DDX42: variants seen among roughly 807,000 people sequenced by gnomAD.
The protein encoded by DDX42 is DEAD-box helicase 42.
In DDX42, 22 loss-of-function variants were observed where a neutral mutation model predicts 101.5. The ratio of observed to expected loss-of-function variants is 0.22; its 90% CI spans 0.15 to 0.31. DDX42 has a LOEUF of 0.31. Among genes scored for constraint, DDX42 ranks in the 10% least tolerant of loss-of-function variants. DDX42 has a pLI of 1.00. For missense variants in DDX42, 849 were observed against 1,199.9 expected, an observed-to-expected ratio of 0.71 and a Z score of 4.32; for synonymous variants, 402 against 401.2, an observed-to-expected ratio of 1.00 and a Z score of -0.02.
chr17:63,806,081 G>A (rs1371067917), intron 7 of DDX42: 3 of 153,306 alleles, frequency 2.0e-5, no homozygotes, highest in Non-Finnish European at 4.4e-5. Flanking sequence ...GGAGGCAGTA[G>A]ATTATATCTT....
At chr17:63,800,860 G>C (rs1422173186) in intron 6 of DDX42, among the ~76,000 whole-genome samples, 1 of 151,908 alleles carries the variant, frequency 6.6e-6, no homozygotes, top group Non-Finnish European at 1.5e-5. Flanking sequence ...AATTGTACTT[G>C]TTTTCCAGAA....
rs1258106389 is a variant in DDX42 at position 63,791,356 on chromosome 17, G to T, written c.222-1056G>T. On this transcript the variant is annotated intron_variant, in intron 2 of 17. Coordinates refer to ENST00000389924, the MANE Select transcript of DDX42 (RefSeq NM_203499.3). ...TGAGAGAGTCTTGCTCTGTCACCCAGGCTGGAGTGCAGTGGCACAATCTCA... is the reference window on the plus strand; with the variant it reads ...TGAGAGAGTCTTGCTCTGTCACCCATGCTGGAGTGCAGTGGCACAATCTCA... Among the ~76,000 whole-genome samples the T allele has an allele frequency of 1.3e-5, 2 of 152,122 alleles. 1 individual carries two copies. Among genetic ancestry groups the T allele is most frequent in the East Asian group, 3.9e-4 (2 of 5,186 alleles).
chr17:63,798,378 G>A (rs1205884677), intron 4 of DDX42, among the ~76,000 whole-genome samples: 1 of 152,192 alleles, frequency 6.6e-6, no homozygotes. Flanking sequence ...GAGTTTAGGG[G>A]AGCATAATTA....
In DDX42 at chr17:63,790,280, A is replaced by G. The variant is rs549694070; in HGVS notation, c.222-2132A>G. On this transcript the variant is annotated intron_variant, in intron 2 of 17. Transcript: ENST00000389924. ...TATAGCGTGAGTATGCTATTGCTAC[A>G]TTAGTATACATAACAGTTACTATAT... Among the ~76,000 whole-genome samples the G allele has an allele frequency of 2.0e-5, 3 of 152,340 alleles. No individual in the cohort carries two copies. The South Asian group carries it at 6.2e-4, about 32-fold the overall frequency.
rs1567733027 is a variant in DDX42, at chr17:63,789,558, TGTTTTTGTTTTTG to T, written c.221+2289_221+2301del. ...AGCTTCTAAAAGACTTTTTTGTTTT[TGTTTTTGTTTTTG>T]TTTTTTTTTTTTTTTTTTTGAGACA... On this transcript the variant is annotated intron_variant, in intron 2 of 17. Coordinates refer to ENST00000389924, the MANE Select transcript of DDX42 (RefSeq NM_203499.3). 2.2e-3 allele frequency among the ~76,000 whole-genome samples: 221 copies of T among 99,940 alleles called. 41 individuals are homozygous for T. Among genetic ancestry groups the T allele is most frequent in the African/African-American group, 6.1e-3 (129 of 21,272 alleles). The allele number at this position is 99,940 out of a possible 152,430, so 65.6% of individuals were successfully genotyped here. A position where few individuals can be genotyped will look rare whatever the true frequency, so the allele number is the denominator to read the frequency against.
At chr17:63,792,348 A>C in intron 2 of DDX42, 64 bp from the exon 3 acceptor site, 1 of 1,530,906 alleles carries the variant, frequency 6.5e-7, no homozygotes, top group Non-Finnish European at 8.9e-7. Context: ...AAATGTTGTT[A>C]AATGAAAGAT....
intron 14 of DDX42, among the ~76,000 whole-genome samples, chr17:63,812,565 A>G (rs1301171524): frequency 6.6e-6 from 1 of 152,226 alleles, no homozygotes; most frequent in African/African-American, 2.4e-5. Context: ...GGATGAGAAC[A>G]GTTTTTGGAA....
At chr17:63,800,164 G>A in intron 5 of DDX42, 1 of 295,538 alleles carries the variant, frequency 3.4e-6, no homozygotes, top group Non-Finnish European at 6.3e-6. Context: ...CACAGCATGT[G>A]TTCTATGGCT....
Position 63,818,564 on chromosome 17 carries a change from T to C in DDX42, c.*166T>C, listed in dbSNP as rs946845820. Reference sequence around the variant, plus strand: ...CCCTTCATCAGAAGGAATTTTCGGATGTTTTCTTGGGAAGCTGTTTTGGTC... The same window carrying C: ...CCCTTCATCAGAAGGAATTTTCGGACGTTTTCTTGGGAAGCTGTTTTGGTC... On this transcript the variant is annotated 3_prime_UTR_variant, in exon 18 of 18. Transcript: ENST00000389924. 4.5e-5 allele frequency: 30 copies of C among 660,468 alleles called. No homozygotes were observed. The highest frequency in any genetic ancestry group is 4.3e-4 in the Middle Eastern group (1 of 2,352). The allele number at this position is 660,468 out of a possible 1,614,324, so 40.9% of individuals were successfully genotyped here. A position where few individuals can be genotyped will look rare whatever the true frequency, so the allele number is the denominator to read the frequency against.
chr17:63,801,979 G>T (rs1405250359), intron 6 of DDX42, among the ~76,000 whole-genome samples: 2 of 152,144 alleles, frequency 1.3e-5, no homozygotes. Context: ...TCTCAGTGTG[G>T]ACCAAGAACC....
chr17:63,775,863 A>T (rs1347280192), intron 1 of DDX42, among the ~76,000 whole-genome samples: 1 of 152,236 alleles, frequency 6.6e-6, no homozygotes, highest in Non-Finnish European at 1.5e-5. Flanking sequence ...AGAGGAGTGC[A>T]GTTATTTAAA....
chr17:63,817,970 C>G lies in DDX42; in HGVS notation c.2389C>G (p.Arg797Gly). ...CAACACAGCTTCAGGGAATAACAGC[C>G]GAGAAGGGACTGGGGGCAGCAACGG... ...VNNTASGNNS[R>G]EGTGGSNGKR... Residue 797 changes from arginine to glycine, a missense_variant, in exon 18 of 18, where the codon CGA (arginine) becomes GGA (glycine). Physicochemically the swap from Arg to Gly is moderately radical, Grantham distance 125. Coordinates refer to ENST00000389924, the MANE Select transcript of DDX42 (RefSeq NM_203499.3). 1 of 1,614,048 alleles carries G rather than the reference C, an allele frequency of 6.2e-7. No homozygotes were observed. Among genetic ancestry groups the G allele is most frequent in the Non-Finnish European group, 8.5e-7 (1 of 1,180,024 alleles).
chr17:63,793,660 G>A (rs913777036), intron 3 of DDX42, among the ~76,000 whole-genome samples: 6 of 152,010 alleles, frequency 3.9e-5, no homozygotes, highest in African/African-American at 1.5e-4. Flanking sequence ...CAACCACCAT[G>A]TTATTGTCGC....
chr17:63,791,038 A>G (rs2039622121), intron 2 of DDX42, among the ~76,000 whole-genome samples: 1 of 152,248 alleles, frequency 6.6e-6, no homozygotes, highest in African/African-American at 2.4e-5. Flanking sequence ...TATATAGCAT[A>G]ACAGTTAAAG....
At chr17:63,789,446 T>G (rs2144541391) in intron 2 of DDX42, among the ~76,000 whole-genome samples, 1 of 151,844 alleles carries the variant, frequency 6.6e-6, no homozygotes, top group South Asian at 2.1e-4. Context: ...ACTCCTGGGC[T>G]CAAGTGATCC....
chr17:63,806,794 A>C, intron 8 of DDX42, 140 bp downstream of exon 8: 1 of 878,408 alleles, frequency 1.1e-6, no homozygotes, highest in Non-Finnish European at 1.6e-6. Context: ...CACTCTTAAG[A>C]AGTCACTAAA....
chr17:63,800,710 T>C, intron 6 of DDX42, 93 bp downstream of exon 6: 1 of 1,467,412 alleles, frequency 6.8e-7, no homozygotes, highest in Non-Finnish European at 9.3e-7. Flanking sequence ...GGAATACTCT[T>C]ACATCATGAG....
At chr17:63,787,543 A>AGGCTGGGCGTGGT (rs1481441247) in intron 2 of DDX42, among the ~76,000 whole-genome samples, 3 of 152,264 alleles carry the variant, frequency 2.0e-5, no homozygotes, top group South Asian at 4.1e-4. Context: ...CCATTGAAAC[A>AGGCTGGGCGTGGT]GGCTGGGCGT....
At chr17:63,800,751 T>C in intron 6 of DDX42, 134 bp downstream of exon 6, 1 of 1,077,032 alleles carries the variant, frequency 9.3e-7, no homozygotes, top group South Asian at 2.0e-5. Flanking sequence ...TACTAAGTGG[T>C]TGAGCCACAA....
Sources: gnomAD v4.1 joint callset for allele counts (sites outside exome capture counted in the v4.1 genomes callset) on GRCh38, gnomAD v4.1.1 for gene constraint, MANE v1.5 for transcripts, NCBI Gene and HGNC (gene_info 2026-07-23, HGNC 2026-07-21) for gene names.